PM20D1: variants seen among roughly 807,000 people sequenced by gnomAD.
The protein encoded by PM20D1 is peptidase M20 domain containing 1, also known as N-fatty-acyl-amino acid synthase/hydrolase PM20D1.
Under a neutral mutation model 53.8 loss-of-function variants are expected in PM20D1, and 53 were observed. The ratio of observed to expected loss-of-function variants is 0.98; its 90% CI spans 0.79 to 1.24. The LOEUF is 1.24. Ranked by LOEUF, PM20D1 falls within the 50% of genes most tolerant of loss-of-function variation. The probability of loss-of-function intolerance (pLI) is 0.00; values close to 1 mark genes in which losing one functional copy is unlikely to be tolerated. For missense variants in PM20D1, 564 were observed against 616.8 expected, an observed-to-expected ratio of 0.91 and a Z score of 0.91; for synonymous variants, 239 against 241.3, an observed-to-expected ratio of 0.99 and a Z score of 0.09.
In PM20D1 at chr1:205,846,135, C is replaced by T. The variant is rs548425663; in HGVS notation, c.257-578G>A. On this transcript the variant is annotated intron_variant, in intron 2 of 12. Transcript: ENST00000367136. ...GGCGTGGTGGCTCATGCCTGTAACC[C>T]AGCACTTTGGGAGGCTGAGGCGGGC... Among the ~76,000 whole-genome samples, 255 of 151,792 alleles carry T rather than the reference C, an allele frequency of 1.7e-3. 1 individual carries two copies. Among genetic ancestry groups the T allele is most frequent in the African/African-American group, 5.9e-3 (243 of 41,348 alleles).
At chr1:205,844,063 T>A in intron 5 of PM20D1, 24 bp downstream of exon 5, 1 of 1,594,984 alleles carries the variant, frequency 6.3e-7, no homozygotes. Context: ...CCCTCCAAGG[T>A]GTGGGGTGGG....
At chr1:205,828,893 A>G in intron 12 of PM20D1, 150 bp from the exon 13 acceptor site, 1 of 1,018,432 alleles carries the variant, frequency 9.8e-7, no homozygotes, top group Non-Finnish European at 1.4e-6. Context: ...GGGAGGGGCC[A>G]TCTGAGATTT....
intron 10 of PM20D1, among the ~76,000 whole-genome samples, chr1:205,834,960 A>C (rs1037086923): frequency 6.6e-6 from 1 of 152,216 alleles, no homozygotes; most frequent in Non-Finnish European, 1.5e-5. Context: ...TGGATACATA[A>C]AATTTAAAAG....
At chr1:205,849,724 T>C (rs1002897080) in intron 1 of PM20D1, among the ~76,000 whole-genome samples, 180 bp downstream of exon 1, 3 of 151,778 alleles carry the variant, frequency 2.0e-5, no homozygotes, top group Non-Finnish European at 4.4e-5. Flanking sequence ...GGGGGAAGTG[T>C]GGCGTCCCCA....
intron 9 of PM20D1, among the ~76,000 whole-genome samples, chr1:205,840,719 T>C (rs1252613941): frequency 2.0e-5 from 3 of 152,228 alleles, no homozygotes; most frequent in Non-Finnish European, 4.4e-5. Flanking sequence ...TTACTCACGA[T>C]GGGGCAGCCA....
intron 11 of PM20D1, among the ~76,000 whole-genome samples, chr1:205,830,814 A>C (rs1233819692): frequency 6.6e-6 from 1 of 150,994 alleles, no homozygotes; most frequent in Non-Finnish European, 1.5e-5. Flanking sequence ...TTCATACCCA[A>C]GGCCATGGCT....
chr1:205,842,836 G>A lies in PM20D1; in HGVS notation c.828-85C>T, dbSNP rs1656846923. ...AAGAGGAGAAGAAGGGAGATAGGAG[G>A]AAGTTTCAACGCTCCTGGCCAAGAG... On this transcript the variant is annotated intron_variant, in intron 6 of 12. Transcript: ENST00000367136. 3 of 1,286,252 alleles carry A rather than the reference G, an allele frequency of 2.3e-6. No homozygotes were observed. In the African/African-American group the frequency reaches 4.4e-5, roughly 19 times the overall value. 79.7% of individuals were successfully genotyped at this position (1,286,252 alleles called of 1,614,324 possible).
chr1:205,835,406 A>G (rs1438446715), intron 10 of PM20D1, among the ~76,000 whole-genome samples: 2 of 152,160 alleles, frequency 1.3e-5, no homozygotes, highest in East Asian at 1.9e-4. Flanking sequence ...GGTGGTGACC[A>G]TTACTGGAGT....
chr1:205,844,676 C>T (rs918026220), intron 4 of PM20D1, 135 bp downstream of exon 4: 2 of 723,790 alleles, frequency 2.8e-6, no homozygotes, highest in South Asian at 4.0e-5. Context: ...TCCTGGCATA[C>T]AGACACACGG....
chr1:205,849,541 G>A (rs1321422418), intron 1 of PM20D1, among the ~76,000 whole-genome samples: 1 of 152,022 alleles, frequency 6.6e-6, no homozygotes, highest in Non-Finnish European at 1.5e-5. Context: ...TTACGACACC[G>A]CAGTAATTTA....
Position 205,828,768 on chromosome 1 carries a change from G to A in PM20D1, c.1386-25C>T, listed in dbSNP as rs1183196877. The A allele has an allele frequency of 9.9e-6, 16 of 1,613,180 alleles. No homozygotes were observed. The Admixed American group carries it at 2.5e-4, about 25-fold the overall frequency. On this transcript the variant is annotated intron_variant, in intron 12 of 12. Transcript: ENST00000367136. ...GCTGAGGAAAGTAAGGTGCATTTAGGGAAGGAGGGGAGGGCCAAGTGCCAC... is the reference window on the plus strand; with the variant it reads ...GCTGAGGAAAGTAAGGTGCATTTAGAGAAGGAGGGGAGGGCCAAGTGCCAC...
chr1:205,828,564 C>G lies in PM20D1; in HGVS notation c.*56G>C. 6.2e-7 allele frequency: 1 copy of G among 1,603,120 alleles called. No individual in the cohort carries two copies. Among genetic ancestry groups the G allele is most frequent in the Non-Finnish European group, 8.5e-7 (1 of 1,175,572 alleles). Reference sequence around the variant, plus strand: ...AGTTTCATCAACACTAGCTTTCCCCCTTGGGTTAGTCCTGTCCCGGGGTCG... The same window carrying G: ...AGTTTCATCAACACTAGCTTTCCCCGTTGGGTTAGTCCTGTCCCGGGGTCG... On this transcript the variant is annotated 3_prime_UTR_variant, in exon 13 of 13. Coordinates refer to ENST00000367136, the MANE Select transcript of PM20D1 (RefSeq NM_152491.5).
Position 205,844,201 on chromosome 1 carries a change from G to T in PM20D1, c.593C>A (p.Ala198Asp), listed in dbSNP as rs201095867. 4.1e-4 allele frequency: 662 copies of T among 1,612,180 alleles called. No individual in the cohort carries two copies. Among genetic ancestry groups the T allele is most frequent in the Non-Finnish European group, 5.3e-4 (621 of 1,178,928 alleles). ...CTGTAGCAGGGCTGAGATCCTCTGA[G>T]CCCCTGTCCCTGATGACTGCAGACA... ...GHDEESSGTG[A>D]QRISALLQSR... Residue 198 changes from alanine (A) to aspartate (D), a missense_variant, in exon 5 of 13, where the codon GCT becomes GAT. Physicochemically the swap from Ala to Asp is moderately radical, Grantham distance 126. Coordinates refer to ENST00000367136, the MANE Select transcript of PM20D1 (RefSeq NM_152491.5).
At chr1:205,844,019 C>G (rs776594951) in intron 5 of PM20D1, 68 bp downstream of exon 5, 3 of 1,546,856 alleles carry the variant, frequency 1.9e-6, no homozygotes, top group East Asian at 2.3e-5. Flanking sequence ...CTCACAGATA[C>G]CAGGCTGGGG....
rs752293297 is a variant in PM20D1, at chr1:205,844,139, C to T, written c.655G>A (p.Gly219Arg). 3.7e-6 allele frequency: 6 copies of T among 1,613,962 alleles called. No homozygotes were observed. In the South Asian group the frequency reaches 4.4e-5, roughly 12 times the overall value. ...GVQLAFIVDE[G>R]GFILDDFIPN... is the part of the protein sequence containing the mutation. ...ATGAAATCATCCAAGATGAAGCCCC[C>T]CTCGTCCACAATGAAGGCTAGCTGG... The change falls in exon 5 of 13, where the codon GGG becomes AGG. Residue 219 changes from glycine (G) to arginine (R), a missense_variant. Transcript: ENST00000367136.
At position 205,833,740 on chromosome 1, in the gene PM20D1, G is replaced by A. The variant is rs535491728; in HGVS notation, c.1117-974C>T. ...CTTGCTCTCCAAAGCTCCAGCACTAGTCCCAACCCATTTGTTCAGTAGTTG... is the reference window on the plus strand; with the variant it reads ...CTTGCTCTCCAAAGCTCCAGCACTAATCCCAACCCATTTGTTCAGTAGTTG... On this transcript the variant is annotated intron_variant, in intron 10 of 12. Coordinates refer to ENST00000367136, the MANE Select transcript of PM20D1 (RefSeq NM_152491.5). Among the ~76,000 whole-genome samples, 56 of 152,274 alleles carry A rather than the reference G, an allele frequency of 3.7e-4. 2 individuals are homozygous for A. The highest frequency in any genetic ancestry group is 2.6e-3 in the Admixed American group (39 of 15,290).
In PM20D1 at chr1:205,832,462, T is replaced by G. The variant is rs973575440; in HGVS notation, c.1285+136A>C. ...CTTCCACTCTGAAGGGAAAATACAGTTCTAGTCTCATCAGGAGGGGAAGCA... is the reference window on the plus strand; with the variant it reads ...CTTCCACTCTGAAGGGAAAATACAGGTCTAGTCTCATCAGGAGGGGAAGCA... On this transcript the variant is annotated intron_variant, in intron 11 of 12. Transcript: ENST00000367136. The G allele has an allele frequency of 6.6e-6, 6 of 903,780 alleles. No homozygotes were observed. The African/African-American group carries it at 1.0e-4, about 15-fold the overall frequency. The allele number at this position is 903,780 out of a possible 1,614,324, so 56.0% of individuals were successfully genotyped here.
intron 11 of PM20D1, among the ~76,000 whole-genome samples, chr1:205,831,107 C>T (rs1656549080): frequency 6.6e-6 from 1 of 152,146 alleles, no homozygotes; most frequent in South Asian, 2.1e-4. Flanking sequence ...ACTCTCTTTC[C>T]AGTTTCCCAC....
At chr1:205,836,429 T>C (rs1389316000) in intron 10 of PM20D1, among the ~76,000 whole-genome samples, 1 of 152,228 alleles carries the variant, frequency 6.6e-6, no homozygotes, top group African/African-American at 2.4e-5. Flanking sequence ...CGTCACTGCA[T>C]GCTATATACC....
Sources: allele counts gnomAD v4.1 joint callset (sites outside exome capture counted in the v4.1 genomes callset), GRCh38; gene constraint gnomAD v4.1.1; transcripts MANE v1.5; gene names NCBI Gene and HGNC (gene_info 2026-07-23, HGNC 2026-07-21).